TBX1: variants seen among roughly 807,000 people sequenced by gnomAD.
TBX1 encodes the protein T-box transcription factor TBX1.
A neutral mutation model predicts 40.8 loss-of-function variants in TBX1; 16 were observed. That is an observed-to-expected ratio of 0.39 (90% CI 0.27 to 0.60). The LOEUF (loss-of-function observed/expected upper bound fraction) is 0.60, where lower values mean the gene tolerates loss of function less well. Among genes scored for constraint, TBX1 ranks in the 20% least tolerant of loss-of-function variants. The probability of loss-of-function intolerance (pLI) is 0.51; values close to 1 mark genes in which losing one functional copy is unlikely to be tolerated. For synonymous variants in TBX1, 403 were observed against 336.8 expected (o/e 1.20, Z -2.15); for missense variants, 755 against 728.5 (o/e 1.04, Z -0.42).
rs1387887044 is a variant in TBX1, at chr22:19,766,463, C to A, written c.1111C>A (p.Pro371Thr). The change falls in exon 7 of 7, where the codon CCG becomes ACG. Residue 371 changes from proline to threonine, a missense_variant. Around this residue, in one of 3 missense-constraint regions of TBX1, gnomAD observed 412 missense variants for 317.6 expected, o/e 1.30. Transcript: ENST00000649276. ...AGTGCTCGGGGACCCGGCGCATCCTCCGCAGCTGCTGGCCCGGGTGCTAAG... is the reference window on the plus strand; with the variant it reads ...AGTGCTCGGGGACCCGGCGCATCCTACGCAGCTGCTGGCCCGGGTGCTAAG... ...PAVLGDPAHP[P>T]QLLARVLSPS... The A allele has an allele frequency of 6.8e-6, 9 of 1,331,598 alleles. No homozygotes were observed. Among genetic ancestry groups the A allele is most frequent in the Non-Finnish European group, 8.7e-6 (9 of 1,034,986 alleles). The allele number at this position is 1,331,598 out of a possible 1,614,324, so 82.5% of individuals were successfully genotyped here.
In TBX1 at chr22:19,760,960, C is replaced by T. The variant is rs940065053; in HGVS notation, c.117C>T (p.Ala39=). ...GGGCCGCGGGGGGCTTCCCGGGCGCCGCGTCGCCCGGCGCCGACCCGTACG... is the reference window on the plus strand; with the variant it reads ...GGGCCGCGGGGGGCTTCCCGGGCGCTGCGTCGCCCGGCGCCGACCCGTACG... ...SLGAAGGFPG[A]ASPGADPYGP... The change falls in exon 1 of 7, where the codon GCC becomes GCT. Residue 39 remains alanine, a synonymous_variant. Transcript: ENST00000649276. 4 of 993,206 alleles carry T rather than the reference C, an allele frequency of 4.0e-6. No individual in the cohort carries two copies. The highest frequency in any genetic ancestry group is 1.8e-5 in the African/African-American group (1 of 56,698). 61.5% of individuals were successfully genotyped at this position (993,206 alleles called of 1,614,324 possible).
At chr22:19,782,936 C>A, downstream of TBX1, 1 of 1,605,314 alleles carries the variant, frequency 6.2e-7, no homozygotes, top group South Asian at 1.1e-5. Context: ...AGGCTCTGGG[C>A]TCCAACCTGG....
At chr22:19,782,463 C>T (rs528460659), downstream of TBX1, among the ~76,000 whole-genome samples, 1 of 152,216 alleles carries the variant, frequency 6.6e-6, no homozygotes, top group Non-Finnish European at 1.5e-5. Context: ...CTCTTTAGCC[C>T]ATCTTTTGTA....
In TBX1 at chr22:19,764,281, C is replaced by G. The variant is rs546513284; in HGVS notation, c.666C>G (p.Phe222Leu). Reference protein sequence around the residue: ...GAQWMKQIVSFDKLKLTNNLL... With the variant: ...GAQWMKQIVSLDKLKLTNNLL... ...AGTGGATGAAGCAAATCGTGTCCTT[C>G]GACAAGCTCAAGCTGACCAACAACC... Residue 222 changes from phenylalanine (F) to leucine (L), a missense_variant, in exon 3 of 7, where the codon TTC (phenylalanine) becomes TTG (leucine). Physicochemically the swap from Phe to Leu is conservative, Grantham distance 22 (BLOSUM62 0). This residue lies in a region of TBX1 where 144 missense variants were observed against 238.0 expected (regional missense o/e 0.61). Coordinates refer to ENST00000649276, the MANE Select transcript of TBX1 (RefSeq NM_001379200.1). The G allele has an allele frequency of 3.1e-6, 5 of 1,613,290 alleles. No homozygotes were observed. Among genetic ancestry groups the G allele is most frequent in the Non-Finnish European group, 4.2e-6 (5 of 1,179,956 alleles).
chr22:19,761,891 C>G (rs1159533525), intron 1 of TBX1, among the ~76,000 whole-genome samples: 1 of 152,222 alleles, frequency 6.6e-6, no homozygotes, highest in Non-Finnish European at 1.5e-5. Context: ...CCGTCACCTC[C>G]CAACCGGCCT....
chr22:19,775,213 CCT>C (rs2145848311), intron 8 of TBX1, among the ~76,000 whole-genome samples: 1 of 152,274 alleles, frequency 6.6e-6, no homozygotes, highest in East Asian at 1.9e-4. Flanking sequence ...CCTGCCTCAG[CCT>C]CCCAAGTAGC....
At chr22:19,758,919 A>AGGAC (rs1936550089), upstream of TBX1, among the ~76,000 whole-genome samples, 1 of 152,130 alleles carries the variant, frequency 6.6e-6, no homozygotes, top group African/African-American at 2.4e-5. Context: ...CAAGGAACAG[A>AGGAC]GGACGCTGCG....
In TBX1 at chr22:19,764,263, G is replaced by A; in HGVS notation, c.648G>A (p.Met216Ile). ...CGCCTGCCAAGGGCGCGCAGTGGAT[G>A]AAGCAAATCGTGTCCTTCGACAAGC... Reference protein sequence around the residue: ...PDSPAKGAQWMKQIVSFDKLK... With the variant: ...PDSPAKGAQWIKQIVSFDKLK... The change falls in exon 3 of 7, where the codon ATG (methionine) becomes ATA (isoleucine). Residue 216 changes from methionine to isoleucine, a missense_variant. Physicochemically the swap from Met to Ile is conservative, Grantham distance 10. Around this residue, in one of 3 missense-constraint regions of TBX1, gnomAD observed 144 missense variants for 238.0 expected, o/e 0.61. Coordinates refer to ENST00000649276, the MANE Select transcript of TBX1 (RefSeq NM_001379200.1). 3 of 1,613,450 alleles carry A rather than the reference G, an allele frequency of 1.9e-6. No homozygotes were observed. Among genetic ancestry groups the A allele is most frequent in the Non-Finnish European group, 1.7e-6 (2 of 1,179,950 alleles).
upstream of TBX1, among the ~76,000 whole-genome samples, chr22:19,758,863 A>G (rs1193303953): frequency 1.3e-5 from 2 of 152,190 alleles, no homozygotes; most frequent in Admixed American, 1.3e-4. Flanking sequence ...AGCCAACTTC[A>G]GGGGGCTGTT....
chr22:19,779,231 C>G, exon 9 of TBX1: 1 of 1,614,204 alleles, frequency 6.2e-7, no homozygotes, highest in Non-Finnish European at 8.5e-7. Flanking sequence ...TGGACATGTC[C>G]TGAAGGACAA....
At position 19,765,000 on chromosome 22, in the gene TBX1, G is replaced by A; in HGVS notation, c.754G>A (p.Val252Met). The A allele has an allele frequency of 6.2e-7, 1 of 1,614,132 alleles. No individual in the cohort carries two copies. The highest frequency in any genetic ancestry group is 8.5e-7 in the Non-Finnish European group (1 of 1,180,006). The change falls in exon 4 of 7, where the codon GTG becomes ATG. Residue 252 changes from valine (V) to methionine (M), a missense_variant. By Grantham distance (21) the Val-to-Met change is conservative (BLOSUM62 1). Around this residue, in one of 3 missense-constraint regions of TBX1, gnomAD observed 144 missense variants for 238.0 expected, o/e 0.61. Transcript: ENST00000649276. ...GCACAGATACCAGCCCCGCTTCCAC[G>A]TGGTCTATGTGGACCCACGCAAAGA... Reference protein sequence around the residue: ...SMHRYQPRFHVVYVDPRKDSE... With the variant: ...SMHRYQPRFHMVYVDPRKDSE...
chr22:19,778,556 T>TC (rs1178359306), intron 8 of TBX1, among the ~76,000 whole-genome samples: 9 of 150,868 alleles, frequency 6.0e-5, no homozygotes, highest in Non-Finnish European at 1.0e-4. Flanking sequence ...TGCCTCAGCC[T>TC]CCCAAATAGC....
chr22:19,760,225 TA>T (rs57911978), upstream of TBX1, among the ~76,000 whole-genome samples: 6,858 of 74,982 alleles, frequency 0.091, 201 homozygotes, highest in Middle Eastern at 0.18. Context: ...TTTTTTTTTT[TA>T]AAAAGAAAAA....
At chr22:19,758,858 A>C (rs527989704), upstream of TBX1, among the ~76,000 whole-genome samples, 2 of 152,340 alleles carry the variant, frequency 1.3e-5, no homozygotes, top group Non-Finnish European at 2.9e-5. Context: ...TAGTGAGCCA[A>C]CTTCAGGGGG....
At chr22:19,778,337 G>C (rs1937097897) in intron 8 of TBX1, among the ~76,000 whole-genome samples, 1 of 152,162 alleles carries the variant, frequency 6.6e-6, no homozygotes, top group African/African-American at 2.4e-5. Flanking sequence ...CTGAGCTCAA[G>C]TGATCCTCCC....
At chr22:19,765,229 G>GTGGAGCCCAACCCAAC in intron 4 of TBX1, 116 bp downstream of exon 4, 1 of 1,509,182 alleles carries the variant, frequency 6.6e-7, no homozygotes, top group Admixed American at 1.7e-5. Flanking sequence ...TGTGGTCCCA[G>GTGGAGCCCAACCCAAC]TGGAGCCCAA....
At chr22:19,767,388 G>A (rs577805075), downstream of TBX1, 5 of 986,232 alleles carry the variant, frequency 5.1e-6, no homozygotes, top group East Asian at 5.7e-4. Context: ...GGGAATCTTC[G>A]GGACAGCGAG....
intron 4 of TBX1, 150 bp from the exon 5 acceptor site, chr22:19,765,608 C>T (rs1044985553): frequency 2.4e-6 from 2 of 832,450 alleles, no homozygotes; most frequent in Admixed American, 2.4e-5. Context: ...GCACCAGCTC[C>T]GTAGAGGAGG....
downstream of TBX1, among the ~76,000 whole-genome samples, chr22:19,770,709 G>C (rs1213135009): frequency 6.6e-6 from 1 of 152,222 alleles, no homozygotes; most frequent in South Asian, 2.1e-4. Context: ...AGTTGTATGA[G>C]GCTGAGGCCC....
Sources: gnomAD v4.1 joint callset for allele counts (sites outside exome capture counted in the v4.1 genomes callset) on GRCh38, gnomAD v4.1.1 for gene constraint, gnomAD v4.1.1 regional missense constraint, MANE v1.5 for transcripts, NCBI Gene and HGNC (gene_info 2026-07-23, HGNC 2026-07-21) for gene names.